The following RAB15 variants were observed in gnomAD, a reference collection of about 807,000 sequenced individuals.
RAB15 encodes the protein RAB15, member RAS oncogene family.
RAB15 carries 13 observed loss-of-function variants against 31.8 expected under a neutral mutation model. The ratio of observed to expected loss-of-function variants is 0.41; its 90% CI spans 0.27 to 0.65. The LOEUF is 0.65. Among genes scored for constraint, RAB15 ranks in the 30% least tolerant of loss-of-function variants. The pLI, the probability that RAB15 is intolerant of heterozygous loss-of-function variation, is 0.32. For synonymous variants in RAB15, 100 were observed against 105.6 expected (o/e 0.95, Z 0.33); for missense variants, 220 against 277.3 (o/e 0.79, Z 1.47).
At position 64,954,643 on chromosome 14, in the gene RAB15, G is replaced by A. The variant is rs1364762581; in HGVS notation, c.125-2072C>T. 3 of 567,242 alleles carry A rather than the reference G, an allele frequency of 5.3e-6. No individual in the cohort carries two copies. The highest frequency in any genetic ancestry group is 8.9e-4 in the Middle Eastern group (1 of 1,126). 35.1% of individuals were successfully genotyped at this position (567,242 alleles called of 1,614,324 possible). A position where few individuals can be genotyped will look rare whatever the true frequency, so the allele number is the denominator to read the frequency against. ...GGCCCCTGCCCTCAGAGAGCCTAGT[G>A]GAAAGGAAACAAGGGCTCAGAGAGG... On this transcript the variant is annotated intron_variant, in intron 1 of 6. Coordinates refer to ENST00000533601, the MANE Select transcript of RAB15 (RefSeq NM_001308154.2). The surrounding 1 kb of genome is among the most constrained non-coding windows in gnomAD (Gnocchi z 4.3).
At position 64,972,285 on chromosome 14, in the gene RAB15, C is replaced by T; in HGVS notation, c.-209G>A. On this transcript the variant is annotated 5_prime_UTR_variant, in exon 1 of 7. Transcript: ENST00000533601. The surrounding 1 kb of genome is among the most constrained non-coding windows in gnomAD (Gnocchi z 6.3). ...GCTGCGGCGGGAGCCCGGCGCGGCG[C>T]CCGCTCGGCTCGGCTCGGCTCGGCT... The T allele has an allele frequency of 6.0e-6, 1 of 166,480 alleles. No homozygotes were observed. The highest frequency in any genetic ancestry group is 1.2e-5 in the Non-Finnish European group (1 of 85,504). 10.3% of individuals were successfully genotyped at this position (166,480 alleles called of 1,614,324 possible).
chr14:64,971,935 C>T lies in RAB15; in HGVS notation c.124+18G>A, dbSNP rs1887448011. On this transcript the variant is annotated intron_variant, in intron 1 of 6. Transcript: ENST00000533601. The surrounding 1 kb of genome is among the most constrained non-coding windows in gnomAD (Gnocchi z 4.1). ...CGCGGGCGGGGAGGGAGGGGCGCCC[C>T]GGGCCACCGCCCCTTACCGATGGTG... is the stretch of plus-strand genomic sequence containing the variant. 4 of 1,551,254 alleles carry T rather than the reference C, an allele frequency of 2.6e-6. No homozygotes were observed. Among genetic ancestry groups the T allele is most frequent in the South Asian group, 2.4e-5 (2 of 84,512 alleles).
rs1455163820 is a variant in RAB15, at chr14:64,955,066, C to T, written c.125-2495G>A. The stretch of plus-strand genomic sequence containing the variant: ...GCGGGGGACTAAGGCTGAGGAATTC[C>T]GGGGCTCGCAGCACTCCCCGGCCTC... On this transcript the variant is annotated intron_variant, in intron 1 of 6. Coordinates refer to ENST00000533601, the MANE Select transcript of RAB15 (RefSeq NM_001308154.2). This position sits in a 1 kb window ranked among gnomAD's most constrained non-coding sequence, Gnocchi z 4.4. Among the ~76,000 whole-genome samples the T allele has an allele frequency of 1.3e-5, 2 of 152,046 alleles. No individual in the cohort carries two copies. The highest frequency in any genetic ancestry group is 2.9e-5 in the Non-Finnish European group (2 of 67,994).
Position 64,948,679 on chromosome 14 carries a change from T to C in RAB15, c.469A>G (p.Asn157Asp). 6.2e-7 allele frequency: 1 copy of C among 1,614,034 alleles called. No individual in the cohort carries two copies. Among genetic ancestry groups the C allele is most frequent in the African/African-American group, 1.3e-5 (1 of 75,004 alleles). The change falls in exon 6 of 7, where the codon AAC (asparagine) becomes GAC (aspartate). Residue 157 changes from asparagine to aspartate, a missense_variant. Transcript: ENST00000533601. This position sits in a 1 kb window ranked among gnomAD's most constrained non-coding sequence, Gnocchi z 7.0. ...ACCAGGGCTCTCACCTCTTTAATGT[T>C]GAGGTTGGTGCAGGCACTTGTTTCA... ...FYETSACTNL[N>D]IKESFTRLTE...
At chr14:64,949,519 G>C (rs546351813) in intron 5 of RAB15, among the ~76,000 whole-genome samples, 3 of 152,032 alleles carry the variant, frequency 2.0e-5, no homozygotes, top group Admixed American at 2.0e-4. Flanking sequence ...TTAGGAGTTC[G>C]AGACCGGCCT....
intron 1 of RAB15, among the ~76,000 whole-genome samples, chr14:64,957,465 A>G (rs1311517108): frequency 6.6e-6 from 1 of 152,158 alleles, no homozygotes; most frequent in African/African-American, 2.4e-5. Flanking sequence ...CAGCCAAGGG[A>G]CTAGAGCATC....
intron 1 of RAB15, among the ~76,000 whole-genome samples, chr14:64,969,212 G>T (rs781141365): frequency 6.6e-6 from 1 of 152,080 alleles, no homozygotes. Context: ...GGAATCTCTC[G>T]GTCTCAGTGC....
Position 64,950,931 on chromosome 14 carries a change from T to C in RAB15, c.324+143A>G, listed in dbSNP as rs981952394. The C allele has an allele frequency of 6.9e-6, 11 of 1,592,624 alleles. No homozygotes were observed. The highest frequency in any genetic ancestry group is 1.3e-5 in the African/African-American group (1 of 74,394). On this transcript the variant is annotated intron_variant, in intron 4 of 6. Transcript: ENST00000533601. This position sits in a 1 kb window ranked among gnomAD's most constrained non-coding sequence, Gnocchi z 5.6. The stretch of plus-strand genomic sequence containing the variant: ...CATGGCAGCTTCGGTTTCTTCCCCA[T>C]GTCTTACTCACCCAGAGGTCTTCAT...
At position 64,948,556 on chromosome 14, in the gene RAB15, C is replaced by A. The variant is rs752231438; in HGVS notation, c.481-44G>T. 10 of 1,600,388 alleles carry A rather than the reference C, an allele frequency of 6.2e-6. No individual in the cohort carries two copies. The East Asian group carries it at 2.0e-4, about 32-fold the overall frequency. ...AGGTTAGTCCAGTGTCTCCTCCTCT[C>A]CCCTGGCAACCCTGCAGCGGCCTGA... On this transcript the variant is annotated intron_variant, in intron 6 of 6. Transcript: ENST00000533601. The surrounding 1 kb of genome is among the most constrained non-coding windows in gnomAD (Gnocchi z 7.0).
In RAB15 at chr14:64,950,402, C is replaced by T; in HGVS notation, c.337G>A (p.Gly113Ser). The change falls in exon 5 of 7, where the codon GGC (glycine) becomes AGC (serine). Residue 113 changes from glycine to serine, a missense_variant. Transcript: ENST00000533601. This position sits in a 1 kb window ranked among gnomAD's most constrained non-coding sequence, Gnocchi z 5.6. ...TTCCCAATAAGGATCTTCTGGACGC[C>T]TTCTGGTGCGTACTAGGGACAAAGG... ...VSDVDEYAPEGVQKILIGNKA... is the reference protein window; with the variant it reads ...VSDVDEYAPESVQKILIGNKA... The T allele has an allele frequency of 1.2e-6, 2 of 1,614,028 alleles. No individual in the cohort carries two copies. The highest frequency in any genetic ancestry group is 1.7e-6 in the Non-Finnish European group (2 of 1,179,908).
At position 64,948,782 on chromosome 14, in the gene RAB15, G is replaced by A. The variant is rs1166099252; in HGVS notation, c.415-49C>T. 6.5e-7 allele frequency: 1 copy of A among 1,549,262 alleles called. No homozygotes were observed. The highest frequency in any genetic ancestry group is 8.9e-7 in the Non-Finnish European group (1 of 1,123,584). On this transcript the variant is annotated intron_variant, in intron 5 of 6. Transcript: ENST00000533601. This position sits in a 1 kb window ranked among gnomAD's most constrained non-coding sequence, Gnocchi z 7.0. ...AAGAGAGTCAGTAAGGCAGGGGAGG[G>A]GCCCATACAACCAGGCACAGGCTTC...
rs1886036060 is a variant in RAB15 at position 64,948,405 on chromosome 14, C to G, written c.588G>C (p.Glu196Asp). Residue 196 changes from glutamate to aspartate, a missense_variant, in exon 7 of 7, where the codon GAG becomes GAC. By Grantham distance (45) the Glu-to-Asp change is conservative (BLOSUM62 2). Transcript: ENST00000533601. The surrounding 1 kb of genome is among the most constrained non-coding windows in gnomAD (Gnocchi z 7.0). ...TCGCTGGGCCCTCGGGTTTGCCCTC[C>G]TCCTCCTCCAGCTCTGCCAGTGCCA... ...NELALAELEEEEGKPEGPANS... is the reference protein window; with the variant it reads ...NELALAELEEDEGKPEGPANS... The G allele has an allele frequency of 1.2e-6, 2 of 1,612,852 alleles. No individual in the cohort carries two copies. Among genetic ancestry groups the G allele is most frequent in the Non-Finnish European group, 1.7e-6 (2 of 1,179,650 alleles).
At chr14:64,949,925 G>A (rs575169323) in intron 5 of RAB15, among the ~76,000 whole-genome samples, 5 of 152,056 alleles carry the variant, frequency 3.3e-5, no homozygotes, top group African/African-American at 1.2e-4. Flanking sequence ...GGACAGGAGT[G>A]GGGGAGTGTT....
In RAB15 at chr14:64,958,578, TCTC is replaced by T. The variant is rs1277115471; in HGVS notation, c.125-6010_125-6008del. ...CTAAGACACCCACCATAGCCTATTT[TCTC>T]CTTCCTCCTTGGCATGGTTCATGAT... On this transcript the variant is annotated intron_variant, in intron 1 of 6. Coordinates refer to ENST00000533601, the MANE Select transcript of RAB15 (RefSeq NM_001308154.2). The surrounding 1 kb of genome is among the most constrained non-coding windows in gnomAD (Gnocchi z 4.4). Among the ~76,000 whole-genome samples, 4 of 152,160 alleles carry T rather than the reference TCTC, an allele frequency of 2.6e-5. No homozygotes were observed. The highest frequency in any genetic ancestry group is 6.5e-5 in the Admixed American group (1 of 15,282).
Position 64,950,297 on chromosome 14 carries a change from G to A in RAB15, c.414+28C>T, listed in dbSNP as rs774052724. 2 of 1,586,120 alleles carry A rather than the reference G, an allele frequency of 1.3e-6. No individual in the cohort carries two copies. Among genetic ancestry groups the A allele is most frequent in the Non-Finnish European group, 1.7e-6 (2 of 1,154,910 alleles). ...CCTGGAGGCCCAGCAGAGGACCTGG[G>A]GTGGACTTGCCTTTTCCCTCCACTT... On this transcript the variant is annotated intron_variant, in intron 5 of 6. Coordinates refer to ENST00000533601, the MANE Select transcript of RAB15 (RefSeq NM_001308154.2). This position sits in a 1 kb window ranked among gnomAD's most constrained non-coding sequence, Gnocchi z 5.6.
intron 1 of RAB15, among the ~76,000 whole-genome samples, chr14:64,963,890 C>T (rs1387309339): frequency 6.6e-6 from 1 of 152,210 alleles, no homozygotes; most frequent in Non-Finnish European, 1.5e-5. Context: ...AATGTCACTT[C>T]CTCTTCAAAG....
chr14:64,948,057 T>C lies in RAB15; in HGVS notation c.*297A>G, dbSNP rs530599427. On this transcript the variant is annotated 3_prime_UTR_variant, in exon 7 of 7. Coordinates refer to ENST00000533601, the MANE Select transcript of RAB15 (RefSeq NM_001308154.2). This position sits in a 1 kb window ranked among gnomAD's most constrained non-coding sequence, Gnocchi z 7.0. ...GCCTGGACTCCAGCCCTGGCTGTTGTCTGGTGGGTGCGGGATGGTGAGACA... is the reference window on the plus strand; with the variant it reads ...GCCTGGACTCCAGCCCTGGCTGTTGCCTGGTGGGTGCGGGATGGTGAGACA... 3.3e-5 allele frequency: 11 copies of C among 331,740 alleles called. No individual in the cohort carries two copies. Among genetic ancestry groups the C allele is most frequent in the Non-Finnish European group, 1.1e-5 (2 of 183,260 alleles). 20.5% of individuals were successfully genotyped at this position (331,740 alleles called of 1,614,324 possible).
chr14:64,960,125 G>A (rs917399472), intron 1 of RAB15, among the ~76,000 whole-genome samples: 2 of 152,246 alleles, frequency 1.3e-5, no homozygotes, highest in South Asian at 2.1e-4. Flanking sequence ...TGGAGCCCGA[G>A]GGTGCTGGGA....
At position 64,951,826 on chromosome 14, in the gene RAB15, C is replaced by T. The variant is rs1490357989; in HGVS notation, c.186-163G>A. On this transcript the variant is annotated intron_variant, in intron 2 of 6. Coordinates refer to ENST00000533601, the MANE Select transcript of RAB15 (RefSeq NM_001308154.2). This position sits in a 1 kb window ranked among gnomAD's most constrained non-coding sequence, Gnocchi z 7.2. ...GATCTGCAGTCAGAGGCCTGGTCAT[C>T]TGTGCTGGTGCTGACCAGGCCTGCA... Among the ~76,000 whole-genome samples the T allele has an allele frequency of 1.3e-5, 2 of 152,234 alleles. No homozygotes were observed. Among genetic ancestry groups the T allele is most frequent in the African/African-American group, 2.4e-5 (1 of 41,468 alleles).
Sources: allele counts gnomAD v4.1 joint callset (sites outside exome capture counted in the v4.1 genomes callset), GRCh38; gene constraint gnomAD v4.1.1; non-coding constraint Gnocchi (gnomAD v3.1); transcripts MANE v1.5; gene names NCBI Gene and HGNC (gene_info 2026-07-23, HGNC 2026-07-21).